SBF2: variants seen among roughly 807,000 people sequenced by gnomAD.
SBF2 encodes the protein SET binding factor 2, also known as myotubularin-related protein 13.
Under a neutral mutation model 225.2 loss-of-function variants are expected in SBF2, and 112 were observed. The ratio of observed to expected loss-of-function variants is 0.50; its 90% CI spans 0.43 to 0.58. The LOEUF (loss-of-function observed/expected upper bound fraction) is 0.58. Among genes scored for constraint, SBF2 ranks in the 20% least tolerant of loss-of-function variants. The probability of loss-of-function intolerance (pLI) is 0.00; values close to 1 mark genes in which losing one functional copy is unlikely to be tolerated. For synonymous variants in SBF2, 763 were observed against 773.3 expected, an observed-to-expected ratio of 0.99 and a Z score of 0.22; for missense variants, 1,996 against 2,206.2, an observed-to-expected ratio of 0.90 and a Z score of 1.91.
intron 13 of SBF2, among the ~76,000 whole-genome samples, chr11:9,984,534 C>A (rs974344628): frequency 6.6e-6 from 1 of 152,174 alleles, no homozygotes; most frequent in East Asian, 1.9e-4. Flanking sequence ...AAAACATCCC[C>A]GGCCTTGCAA....
At chr11:10,017,139 A>G (rs1038547687) in intron 6 of SBF2, among the ~76,000 whole-genome samples, 8 of 152,348 alleles carry the variant, frequency 5.3e-5, no homozygotes, top group Middle Eastern at 3.4e-3. Context: ...GAAAGGTTAG[A>G]GTTCTAAAAT....
intron 16 of SBF2, among the ~76,000 whole-genome samples, chr11:9,912,116 A>G (rs1402232245): frequency 2.0e-5 from 3 of 150,860 alleles, no homozygotes; most frequent in Admixed American, 6.6e-5. Flanking sequence ...GGAGTTCAAG[A>G]CCAGCCTGGC....
At chr11:10,075,573 A>G (rs1178233733) in intron 2 of SBF2, among the ~76,000 whole-genome samples, 1 of 152,140 alleles carries the variant, frequency 6.6e-6, no homozygotes, top group Non-Finnish European at 1.5e-5. Flanking sequence ...AGTTCTCATG[A>G]AATCTGGTAG....
intron 1 of SBF2, among the ~76,000 whole-genome samples, chr11:10,226,506 T>C (rs1277875945): frequency 1.7e-5 from 2 of 117,972 alleles, no homozygotes; most frequent in African/African-American, 6.5e-5. Flanking sequence ...CAGGCCCGGG[T>C]GTGTGATGTA....
At chr11:10,226,332 A>G (rs933775216) in intron 1 of SBF2, among the ~76,000 whole-genome samples, 2 of 151,996 alleles carry the variant, frequency 1.3e-5, no homozygotes, top group Admixed American at 6.6e-5. Flanking sequence ...TTTTTTCTTA[A>G]TTTTATTATT....
chr11:9,849,219 G>A (rs1488170600), intron 22 of SBF2, among the ~76,000 whole-genome samples: 1 of 151,590 alleles, frequency 6.6e-6, no homozygotes, highest in African/African-American at 2.4e-5. Flanking sequence ...CAAATATACA[G>A]CCAACATTAA....
At chr11:9,834,077 CT>C (rs1425621377) in intron 26 of SBF2, among the ~76,000 whole-genome samples, 6 of 151,046 alleles carry the variant, frequency 4.0e-5, no homozygotes, top group Admixed American at 2.6e-4. Context: ...CCCATGGTAT[CT>C]TTTTATTTAT....
intron 16 of SBF2, among the ~76,000 whole-genome samples, chr11:9,941,648 G>A (rs1053711995): frequency 1.3e-5 from 2 of 152,140 alleles, no homozygotes; most frequent in East Asian, 3.8e-4. Flanking sequence ...ACCAGGAATG[G>A]AAATGGACTT....
At chr11:9,834,250 A>G (rs912697342) in intron 26 of SBF2, among the ~76,000 whole-genome samples, 3 of 148,714 alleles carry the variant, frequency 2.0e-5, no homozygotes, top group East Asian at 2.0e-4. Flanking sequence ...GTGCCACCAC[A>G]CCTGGCTAAT....
At chr11:9,794,675 T>TGAAA (rs1564859748) in intron 33 of SBF2, among the ~76,000 whole-genome samples, 1 of 1,468 alleles carries the variant, frequency 6.8e-4, no homozygotes. Context: ...GGACTCCGTC[T>TGAAA]CAAAAAAAAA....
At chr11:9,809,669 C>T (rs555176343) in intron 30 of SBF2, among the ~76,000 whole-genome samples, 91 of 151,872 alleles carry the variant, frequency 6.0e-4, no homozygotes, top group African/African-American at 2.1e-3. Flanking sequence ...CTCAGCCTCC[C>T]GAGTAGCTTG....
chr11:10,266,052 G>C (rs985389659), intron 1 of SBF2, among the ~76,000 whole-genome samples: 1 of 151,926 alleles, frequency 6.6e-6, no homozygotes, highest in Non-Finnish European at 1.5e-5. Flanking sequence ...GTACTTTTTC[G>C]GCTAGGCAGA....
intron 6 of SBF2, among the ~76,000 whole-genome samples, chr11:10,003,314 A>G (rs867195896): frequency 3.9e-5 from 6 of 152,054 alleles, no homozygotes; most frequent in African/African-American, 1.4e-4. Flanking sequence ...ATTGAGATAT[A>G]CACTATATAT....
intron 1 of SBF2, among the ~76,000 whole-genome samples, chr11:10,291,173 T>C (rs1964136022): frequency 6.6e-6 from 1 of 152,168 alleles, no homozygotes; most frequent in African/African-American, 2.4e-5. Context: ...CCAAAATTCG[T>C]ATGTTAAAAT....
chr11:10,259,562 C>G (rs907489901), intron 1 of SBF2, among the ~76,000 whole-genome samples: 5 of 152,176 alleles, frequency 3.3e-5, no homozygotes, highest in Non-Finnish European at 2.9e-5. Flanking sequence ...ACTGTAGCCA[C>G]AAGGCCTTAG....
At chr11:10,005,523 C>A (rs1205243977) in intron 6 of SBF2, among the ~76,000 whole-genome samples, 1 of 152,132 alleles carries the variant, frequency 6.6e-6, no homozygotes, top group African/African-American at 2.4e-5. Context: ...CATTCCTGCT[C>A]TAATACTTTA....
At chr11:9,863,733 G>A (rs1857953234) in intron 17 of SBF2, among the ~76,000 whole-genome samples, 1 of 149,270 alleles carries the variant, frequency 6.7e-6, no homozygotes, top group Non-Finnish European at 1.5e-5. Flanking sequence ...AAACATATTT[G>A]CTTTGTCCCT....
chr11:9,845,478 G>A (rs1223755771), intron 24 of SBF2, 87 bp downstream of exon 24: 4 of 1,221,764 alleles, frequency 3.3e-6, no homozygotes, highest in African/African-American at 1.5e-5. Flanking sequence ...AACAGCAATC[G>A]CTTACACCTG....
At chr11:9,918,314 T>C (rs1863285441) in intron 16 of SBF2, among the ~76,000 whole-genome samples, 1 of 152,008 alleles carries the variant, frequency 6.6e-6, no homozygotes, top group Admixed American at 6.5e-5. Flanking sequence ...CTCCTATTTT[T>C]AGCTTTCCCA....
Sources: gnomAD v4.1 joint callset for allele counts (sites outside exome capture counted in the v4.1 genomes callset) on GRCh38, gnomAD v4.1.1 for gene constraint, MANE v1.5 for transcripts, NCBI Gene and HGNC (gene_info 2026-07-23, HGNC 2026-07-21) for gene names.